LOC400499: variants seen among roughly 807,000 people sequenced by gnomAD.
At chr16:11,483,454 G>T in the LOC400499 span, among the ~76,000 whole-genome samples, 193 of 152,080 alleles carry the variant, frequency 1.3e-3, no homozygotes, top group Non-Finnish European at 2.2e-3. Flanking sequence ...CTATACAATG[G>T]AATACCATTA....
the LOC400499 span, among the ~76,000 whole-genome samples, chr16:11,383,025 C>G: frequency 6.6e-6 from 1 of 151,396 alleles, no homozygotes; most frequent in East Asian, 1.9e-4. Context: ...AGGAAGCTTA[C>G]AATCATGGCA....
chr16:11,414,745 T>C, the LOC400499 span, among the ~76,000 whole-genome samples: 2 of 152,212 alleles, frequency 1.3e-5, no homozygotes, highest in Non-Finnish European at 2.9e-5. Flanking sequence ...CCTTCTCTCA[T>C]TGAAGTTGAA....
the LOC400499 span, among the ~76,000 whole-genome samples, chr16:11,445,692 G>A: frequency 1.3e-5 from 2 of 152,190 alleles, no homozygotes; most frequent in South Asian, 4.1e-4. Flanking sequence ...ACAGGACTGG[G>A]GCTTTATCCC....
At chr16:11,461,887 T>G in the LOC400499 span, among the ~76,000 whole-genome samples, 2 of 152,354 alleles carry the variant, frequency 1.3e-5, no homozygotes, top group South Asian at 4.1e-4. Flanking sequence ...CAAGTGTTTC[T>G]TATCGTGGGT....
chr16:11,498,115 G>C, the LOC400499 span, among the ~76,000 whole-genome samples: 1 of 152,116 alleles, frequency 6.6e-6, no homozygotes, highest in Non-Finnish European at 1.5e-5. Flanking sequence ...ACCTGGGGGA[G>C]ATCAAACACC....
chr16:11,496,387 C>T, the LOC400499 span, among the ~76,000 whole-genome samples: 2,160 of 152,254 alleles, frequency 0.014, 59 homozygotes, highest in African/African-American at 0.05. Flanking sequence ...TGTTCTTTCT[C>T]TGGATTCGTG....
At chr16:11,524,166 ACCC>A in the LOC400499 span, among the ~76,000 whole-genome samples, 1 of 15,746 alleles carries the variant, frequency 6.4e-5, no homozygotes, top group Non-Finnish European at 1.1e-4. Context: ...CCACCCCCCA[ACCC>A]CCCAATCCAT....
chr16:11,396,559 G>A, the LOC400499 span: 3 of 1,232,178 alleles, frequency 2.4e-6, no homozygotes, highest in Non-Finnish European at 2.0e-6. Flanking sequence ...TGTGGTTTTG[G>A]AGGGTCAGGC....
At chr16:11,404,908 C>T in the LOC400499 span, 2 of 398,818 alleles carry the variant, frequency 5.0e-6, no homozygotes, top group East Asian at 3.6e-5. Context: ...CCGACCCATG[C>T]TTCTGCCTGG....
the LOC400499 span, among the ~76,000 whole-genome samples, chr16:11,416,800 C>T: frequency 6.6e-6 from 1 of 152,056 alleles, no homozygotes; most frequent in Non-Finnish European, 1.5e-5. Context: ...TCAGCCCGTG[C>T]CAAGGTCCTG....
the LOC400499 span, chr16:11,423,247 T>A: frequency 5.0e-6 from 2 of 399,254 alleles, no homozygotes; most frequent in Non-Finnish European, 8.8e-6. Flanking sequence ...GCGTCTCCAC[T>A]GCAGTTGACC....
At chr16:11,508,569 T>G in the LOC400499 span, 1 of 396,046 alleles carries the variant, frequency 2.5e-6, no homozygotes, top group African/African-American at 2.1e-5. Flanking sequence ...GGCACAGCTG[T>G]GCAGTGCACA....
chr16:11,435,241 T>C, the LOC400499 span, among the ~76,000 whole-genome samples: 1 of 151,954 alleles, frequency 6.6e-6, no homozygotes, highest in South Asian at 2.1e-4. Context: ...GCCTCCTGAG[T>C]AGCTGGGACT....
At chr16:11,462,179 C>A in the LOC400499 span, 3 of 1,534,252 alleles carry the variant, frequency 2.0e-6, no homozygotes, top group East Asian at 2.5e-5. Flanking sequence ...CAGCTTGCTG[C>A]CCACCTGCCG....
At chr16:11,415,963 T>G in the LOC400499 span, among the ~76,000 whole-genome samples, 13 of 20,096 alleles carry the variant, frequency 6.5e-4, no homozygotes, top group African/African-American at 4.2e-3. Context: ...TTGTTTTGTT[T>G]TTTTTTTTTT....
chr16:11,516,366 A>G, the LOC400499 span: 4 of 398,682 alleles, frequency 1.0e-5, no homozygotes, highest in African/African-American at 6.2e-5. Flanking sequence ...CCACTTGCAG[A>G]CTGCCAGAGG....
At chr16:11,484,153 A>C in the LOC400499 span, among the ~76,000 whole-genome samples, 1 of 151,506 alleles carries the variant, frequency 6.6e-6, no homozygotes, top group African/African-American at 2.4e-5. Flanking sequence ...GACTACAGGC[A>C]CCCACCACCA....
chr16:11,485,311 T>A, the LOC400499 span, among the ~76,000 whole-genome samples: 2 of 151,810 alleles, frequency 1.3e-5, no homozygotes, highest in Non-Finnish European at 2.9e-5. Flanking sequence ...TAAGGCTTGG[T>A]TCAAATGTCA....
the LOC400499 span, among the ~76,000 whole-genome samples, chr16:11,507,547 T>C: frequency 1.1e-3 from 161 of 152,274 alleles, no homozygotes; most frequent in Admixed American, 4.1e-3. Context: ...ATGGGCACAA[T>C]GATATGAATT....
Sources: allele counts gnomAD v4.1 joint callset (sites outside exome capture counted in the v4.1 genomes callset), GRCh38; gene constraint gnomAD v4.1.1; transcripts MANE v1.5.